Variants in PSPC1 observed in about 807,000 individuals in gnomAD.
The protein encoded by PSPC1 is paraspeckle component 1.
A neutral mutation model predicts 51.6 loss-of-function variants in PSPC1; 14 were observed. The ratio of observed to expected loss-of-function variants is 0.27; its 90% CI spans 0.18 to 0.42. The LOEUF is 0.42. PSPC1 is among the 10% of genes least tolerant of loss of function. The pLI, the probability that PSPC1 is intolerant of heterozygous loss-of-function variation, is 1.00. For missense variants in PSPC1, 406 were observed against 701.1 expected (o/e 0.58, Z 4.75); for synonymous variants, 193 against 231.9 (o/e 0.83, Z 1.53).
At chr13:19,724,796 C>G (rs533242631) in intron 6 of PSPC1, among the ~76,000 whole-genome samples, 1 of 152,116 alleles carries the variant, frequency 6.6e-6, no homozygotes, top group Non-Finnish European at 1.5e-5. Flanking sequence ...GTCAAGAGAT[C>G]GAGACCATCC....
At chr13:19,680,109 G>A (rs1319026338) in intron 6 of PSPC1, among the ~76,000 whole-genome samples, 1 of 152,092 alleles carries the variant, frequency 6.6e-6, no homozygotes, top group Non-Finnish European at 1.5e-5. Flanking sequence ...TCACCTCCCA[G>A]GTTCAAATGA....
chr13:19,766,318 A>T (rs1888063863), intron 2 of PSPC1, among the ~76,000 whole-genome samples: 1 of 152,172 alleles, frequency 6.6e-6, no homozygotes, highest in African/African-American at 2.4e-5. Flanking sequence ...GGTTGCAGTG[A>T]GCCAAGAACA....
At chr13:19,770,644 C>T (rs752114239) in intron 2 of PSPC1, among the ~76,000 whole-genome samples, 6 of 152,038 alleles carry the variant, frequency 3.9e-5, no homozygotes, top group South Asian at 2.1e-4. Flanking sequence ...AAAAATTAGC[C>T]GGACACAGTG....
At position 19,782,703 on chromosome 13, in the gene PSPC1, G is replaced by A; in HGVS notation, c.55C>T (p.Leu19Phe). 1 of 1,571,278 alleles carries A rather than the reference G, an allele frequency of 6.4e-7. No individual in the cohort carries two copies. Among genetic ancestry groups the A allele is most frequent in the South Asian group, 1.1e-5 (1 of 87,682 alleles). The change falls in exon 1 of 9, where the codon CTT becomes TTT. Residue 19 changes from leucine to phenylalanine, a missense_variant. Around this residue, in one of 5 missense-constraint regions of PSPC1, gnomAD observed 128 missense variants for 107.1 expected, o/e 1.20. Transcript: ENST00000338910. This position sits in a 1 kb window ranked among gnomAD's most constrained non-coding sequence, Gnocchi z 4.5. ...CCCACCGCGGACTCCAGGGCGCGAA[G>A]GCGGGCCGGGTTTTTCTCAATGCGC... ...QVRIEKNPAR[L>F]RALESAVGES... is the part of the protein sequence containing the mutation.
rs756600720 is a variant in PSPC1, at chr13:19,772,375, G to C, written c.541C>G (p.Pro181Ala). Residue 181 changes from proline to alanine, a missense_variant, in exon 2 of 9, where the codon CCA (proline) becomes GCA (alanine). Physicochemically the swap from Pro to Ala is conservative, Grantham distance 27. Coordinates refer to ENST00000338910, the MANE Select transcript of PSPC1 (RefSeq NM_001354909.2). ...LLEQAFSQFG[P>A]VEKAVVVVDD... The stretch of plus-strand genomic sequence containing the variant: ...ACAACCACAACAGCTTTCTCTACTG[G>C]ACCAAACTGAGAAAATGCTTGCTCT... The C allele has an allele frequency of 1.2e-6, 2 of 1,614,146 alleles. No individual in the cohort carries two copies. Among genetic ancestry groups the C allele is most frequent in the Non-Finnish European group, 1.7e-6 (2 of 1,180,044 alleles).
chr13:19,691,593 T>C (rs923923225), intron 6 of PSPC1, among the ~76,000 whole-genome samples: 1 of 151,012 alleles, frequency 6.6e-6, no homozygotes, highest in Non-Finnish European at 1.5e-5. Context: ...AAAGACTTGA[T>C]GGGAAACTGT....
rs747934572 is a variant in PSPC1, at chr13:19,703,168, C to T, written c.*7G>A. ...TTTTTTCTAGATAGCCAGGAATGAA[C>T]GAATGTTTAATATCTACGACGCTTA... On this transcript the variant is annotated 3_prime_UTR_variant, in exon 9 of 9. Coordinates refer to ENST00000338910, the MANE Select transcript of PSPC1 (RefSeq NM_001354909.2). The T allele has an allele frequency of 7.4e-6, 12 of 1,612,090 alleles. No individual in the cohort carries two copies. The highest frequency in any genetic ancestry group is 4.0e-5 in the African/African-American group (3 of 74,586).
chr13:19,742,533 G>C (rs1885540117), intron 4 of PSPC1, among the ~76,000 whole-genome samples: 1 of 152,174 alleles, frequency 6.6e-6, no homozygotes, highest in Admixed American at 6.5e-5. Flanking sequence ...GAGGTTGGGA[G>C]TTCGAGACCA....
rs1886674375 is a variant in PSPC1 at position 19,752,596 on chromosome 13, TTA to T, written c.771-1131_771-1130del. Among the ~76,000 whole-genome samples the T allele has an allele frequency of 4.6e-5, 7 of 152,042 alleles. No individual in the cohort carries two copies. In the South Asian group the frequency reaches 1.5e-3, roughly 32 times the overall value. On this transcript the variant is annotated intron_variant, in intron 3 of 8. Transcript: ENST00000338910. Reference sequence around the variant, plus strand: ...TTCACTTTTTTATTTATTTATTTATTTATTTTTGAGACACAGTCTCACAGTAT... The same window carrying T: ...TTCACTTTTTTATTTATTTATTTATTTTTTTGAGACACAGTCTCACAGTAT...
intron 1 of PSPC1, among the ~76,000 whole-genome samples, chr13:19,777,858 A>C (rs1423372256): frequency 6.6e-6 from 1 of 152,082 alleles, no homozygotes; most frequent in Non-Finnish European, 1.5e-5. Flanking sequence ...AGGCAGGAGA[A>C]TCGCTTGAAC....
At chr13:19,704,193 A>G (rs1310694613) in intron 8 of PSPC1, among the ~76,000 whole-genome samples, 1 of 152,276 alleles carries the variant, frequency 6.6e-6, no homozygotes, top group East Asian at 1.9e-4. Context: ...AAACTTAACC[A>G]AAGTAGTATA....
In PSPC1 at chr13:19,754,090, C is replaced by CT. The variant is rs990810705; in HGVS notation, c.771-2624dup. Among the ~76,000 whole-genome samples the CT allele has an allele frequency of 1.0e-4, 15 of 146,874 alleles. No homozygotes were observed. The East Asian group carries it at 1.4e-3, about 14-fold the overall frequency. ...GTGAGCATTTTCTTTTTCTTTCTTTCTTTTTTTTTTCCTGAAACAGTTTCA... is the reference window on the plus strand; with the variant it reads ...GTGAGCATTTTCTTTTTCTTTCTTTCTTTTTTTTTTTCCTGAAACAGTTTCA... On this transcript the variant is annotated intron_variant, in intron 3 of 8. Coordinates refer to ENST00000338910, the MANE Select transcript of PSPC1 (RefSeq NM_001354909.2).
At chr13:19,674,652 A>G (rs1876433978), downstream of PSPC1, 1 of 152,308 alleles carries the variant, frequency 6.6e-6, no homozygotes, top group Admixed American at 6.5e-5. Flanking sequence ...GATGCCCAGA[A>G]TGAAAACAGT....
intron 5 of PSPC1, among the ~76,000 whole-genome samples, chr13:19,739,557 G>A (rs1885202619): frequency 6.6e-6 from 1 of 152,044 alleles, no homozygotes; most frequent in South Asian, 2.1e-4. Context: ...AGACCAGCCT[G>A]GCCAACATGG....
Position 19,715,917 on chromosome 13 carries a change from G to A in PSPC1, c.1159-6318C>T, listed in dbSNP as rs1882036075. Among the ~76,000 whole-genome samples, 3 of 152,188 alleles carry A rather than the reference G, an allele frequency of 2.0e-5. No individual in the cohort carries two copies. The South Asian group carries it at 6.2e-4, about 32-fold the overall frequency. Reference sequence around the variant, plus strand: ...TAGTCCCAGCTACTCGGGAGGCTGAGGCAGGAGAATGGCATGAACCCGGGA... The same window carrying A: ...TAGTCCCAGCTACTCGGGAGGCTGAAGCAGGAGAATGGCATGAACCCGGGA... On this transcript the variant is annotated intron_variant, in intron 6 of 8. Coordinates refer to ENST00000338910, the MANE Select transcript of PSPC1 (RefSeq NM_001354909.2).
chr13:19,716,395 TG>T (rs1443925961), intron 6 of PSPC1, among the ~76,000 whole-genome samples: 2 of 152,236 alleles, frequency 1.3e-5, no homozygotes, highest in Admixed American at 6.5e-5. Context: ...CTGTGTCAAC[TG>T]GAACACCATT....
chr13:19,699,109 CATTAAT>C (rs1352605808), downstream of PSPC1, among the ~76,000 whole-genome samples: 2 of 151,846 alleles, frequency 1.3e-5, no homozygotes, highest in Non-Finnish European at 2.9e-5. Context: ...AAATTTCAAT[CATTAAT>C]ATTGTTATTC....
chr13:19,772,575 T>C (rs1888719703), intron 1 of PSPC1, 32 bp from the exon 2 acceptor site: 2 of 1,551,224 alleles, frequency 1.3e-6, no homozygotes, highest in Admixed American at 2.1e-5. Context: ...TTTTAAAAGA[T>C]GACAGTAACA....
downstream of PSPC1, chr13:19,671,386 A>AAT: frequency 9.0e-7 from 1 of 1,107,450 alleles, no homozygotes; most frequent in South Asian, 1.3e-5. Context: ...ATCCTGGTGT[A>AAT]CCTGTCCTAG....
Sources: gnomAD v4.1 joint callset for allele counts (sites outside exome capture counted in the v4.1 genomes callset) on GRCh38, gnomAD v4.1.1 for gene constraint, gnomAD v4.1.1 regional missense constraint, Gnocchi (gnomAD v3.1) non-coding constraint, MANE v1.5 for transcripts, NCBI Gene and HGNC (gene_info 2026-07-23, HGNC 2026-07-21) for gene names.